KMT2C: variants seen among roughly 807,000 people sequenced by gnomAD.
The protein encoded by KMT2C is lysine methyltransferase 2C, also known as histone-lysine N-methyltransferase 2C.
KMT2C carries 88 observed loss-of-function variants against 507.9 expected under a neutral mutation model. That is an observed-to-expected ratio of 0.17 (90% CI 0.15 to 0.21). The LOEUF is 0.21. Among genes scored for constraint, KMT2C ranks in the 10% least tolerant of loss-of-function variants. The pLI is 1.00. For missense variants in KMT2C, 4,954 were observed against 5,957.8 expected (o/e 0.83, Z 5.55); for synonymous variants, 2,049 against 2,080.8 (o/e 0.98, Z 0.42).
rs1389616703 is a variant in KMT2C, at chr7:152,335,063, A to T, written c.251-4324T>A. Among the ~76,000 whole-genome samples the T allele has an allele frequency of 3.9e-5, 6 of 152,302 alleles. No homozygotes were observed. The East Asian group carries it at 1.2e-3, about 29-fold the overall frequency. The stretch of plus-strand genomic sequence containing the variant: ...CTGACCCTTTTTAGGCTATATTAAA[A>T]TATTTAATATAGCTATGACCTACAA... On this transcript the variant is annotated intron_variant, in intron 2 of 58. Transcript: ENST00000262189.
Position 152,141,547 on chromosome 7 carries a change from TA to T in KMT2C, c.14344-1757del, listed in dbSNP as rs201057479. ...AATATGGTGAAATCCCATCTCTACT[TA>T]AAAAAAAAAAAAAAATTAGCCGGGC... On this transcript the variant is annotated intron_variant, in intron 55 of 58. Coordinates refer to ENST00000262189, the MANE Select transcript of KMT2C (RefSeq NM_170606.3). Among the ~76,000 whole-genome samples the T allele has an allele frequency of 7.0e-3, 917 of 130,186 alleles. 3 individuals carry two copies. Among genetic ancestry groups the T allele is most frequent in the Middle Eastern group, 0.02 (5 of 244 alleles). The allele number at this position is 130,186 out of a possible 152,430, so 85.4% of individuals were successfully genotyped here. A position where few individuals can be genotyped will look rare whatever the true frequency, so the allele number is the denominator to read the frequency against.
intron 3 of KMT2C, among the ~76,000 whole-genome samples, chr7:152,319,666 C>G (rs1172731966): frequency 6.6e-6 from 1 of 152,150 alleles, no homozygotes; most frequent in Non-Finnish European, 1.5e-5. Flanking sequence ...AGAGGCCTAA[C>G]CGTCTGCCTG....
chr7:152,274,794 T>C (rs1235126687), intron 6 of KMT2C, among the ~76,000 whole-genome samples: 1 of 152,208 alleles, frequency 6.6e-6, no homozygotes, highest in Non-Finnish European at 1.5e-5. Flanking sequence ...CATTACATGA[T>C]CAGTTTATCT....
intron 2 of KMT2C, among the ~76,000 whole-genome samples, chr7:152,352,771 T>C (rs2097124066): frequency 6.6e-6 from 1 of 152,190 alleles, no homozygotes; most frequent in African/African-American, 2.4e-5. Context: ...GCTGATTTCA[T>C]ACCTTGTGGC....
chr7:152,153,273 C>A (rs1236862111), intron 48 of KMT2C, among the ~76,000 whole-genome samples: 5 of 152,188 alleles, frequency 3.3e-5, no homozygotes, highest in Admixed American at 6.5e-5. Context: ...AGAAAGCTTA[C>A]TTCCAGGGGC....
chr7:152,248,598 A>G lies in KMT2C; in HGVS notation c.1836T>C (p.Asn612=), dbSNP rs1213435810. Residue 612 remains asparagine, a synonymous_variant, in exon 14 of 59, where the codon AAT becomes AAC. Transcript: ENST00000262189. ...TAGAAATCTGTTTTTCCAATTCAGTATTCACTGTATGTTGGGATGATACTA... is the reference window on the plus strand; with the variant it reads ...TAGAAATCTGTTTTTCCAATTCAGTGTTCACTGTATGTTGGGATGATACTA... The part of the protein sequence containing the change: ...LIAVSSQHTV[N]TELEKQISNE... 6.2e-7 allele frequency: 1 copy of G among 1,610,388 alleles called. No individual in the cohort carries two copies. Among genetic ancestry groups the G allele is most frequent in the Middle Eastern group, 1.7e-4 (1 of 6,054 alleles).
intron 2 of KMT2C, among the ~76,000 whole-genome samples, chr7:152,340,741 C>A (rs2096983769): frequency 6.6e-6 from 1 of 152,030 alleles, no homozygotes; most frequent in Admixed American, 6.6e-5. Context: ...ACCCACAGTT[C>A]CATAAATTTC....
intron 31 of KMT2C, among the ~76,000 whole-genome samples, chr7:152,188,119 C>T (rs6963742): frequency 0.063 from 9,529 of 152,198 alleles, 1,037 homozygotes; most frequent in African/African-American, 0.22. Context: ...GCCCCAAGTA[C>T]AGAAGAGATG....
chr7:152,269,526 T>TA (rs1210096321), intron 7 of KMT2C, among the ~76,000 whole-genome samples: 1 of 152,194 alleles, frequency 6.6e-6, no homozygotes, highest in Non-Finnish European at 1.5e-5. Flanking sequence ...CCAGAGACAC[T>TA]AAGTTTAAAG....
intron 3 of KMT2C, among the ~76,000 whole-genome samples, chr7:152,328,619 T>C (rs2096852667): frequency 6.6e-6 from 1 of 152,158 alleles, no homozygotes; most frequent in African/African-American, 2.4e-5. Context: ...TGATTATCAT[T>C]ATTAGAATAA....
intron 18 of KMT2C, among the ~76,000 whole-genome samples, chr7:152,225,183 T>A (rs2094890082): frequency 6.6e-6 from 1 of 152,116 alleles, no homozygotes; most frequent in Admixed American, 6.6e-5. Flanking sequence ...AATCTCCAAA[T>A]CCCTAATAAA....
At position 152,162,681 on chromosome 7, in the gene KMT2C, T is replaced by C. The variant is rs2092519438; in HGVS notation, c.10896A>G (p.Pro3632=). Residue 3632 remains proline, a synonymous_variant, in exon 43 of 59, where the codon CCA becomes CCG. Coordinates refer to ENST00000262189, the MANE Select transcript of KMT2C (RefSeq NM_170606.3). ...TAGTTTCTGAGATGCCTGGAGTCGG[T>C]GGGGCAGTTATATCTGAATGGGGAG... ...PSTPHSDITA[P]PTPGISETTS... 2 of 1,614,180 alleles carry C rather than the reference T, an allele frequency of 1.2e-6. No individual in the cohort carries two copies. The highest frequency in any genetic ancestry group is 1.7e-6 in the Non-Finnish European group (2 of 1,180,022).
At chr7:152,409,174 T>C (rs2097654475) in intron 1 of KMT2C, among the ~76,000 whole-genome samples, 1 of 151,886 alleles carries the variant, frequency 6.6e-6, no homozygotes, top group Admixed American at 6.6e-5. Flanking sequence ...ACCTGGCTAA[T>C]TTTTGTATTT....
At chr7:152,282,296 CA>C (rs1299162491) in intron 6 of KMT2C, among the ~76,000 whole-genome samples, 1,461 of 102,498 alleles carry the variant, frequency 0.014, 15 homozygotes, top group African/African-American at 0.04. Context: ...GACCTTGTCT[CA>C]AAAAAAAAAA....
At chr7:152,237,314 T>C (rs1219089303) in intron 15 of KMT2C, among the ~76,000 whole-genome samples, 1 of 152,302 alleles carries the variant, frequency 6.6e-6, no homozygotes, top group Admixed American at 6.5e-5. Flanking sequence ...TAGATACACA[T>C]GAACAAAAGG....
chr7:152,420,832 C>CAA (rs925912873), intron 1 of KMT2C, among the ~76,000 whole-genome samples: 1 of 129,428 alleles, frequency 7.7e-6, no homozygotes, highest in African/African-American at 2.8e-5. Flanking sequence ...GACTCCATCT[C>CAA]AAAAAAAAAA....
chr7:152,256,755 GA>G (rs1199591007), intron 9 of KMT2C, among the ~76,000 whole-genome samples: 1 of 152,036 alleles, frequency 6.6e-6, no homozygotes, highest in Non-Finnish European at 1.5e-5. Flanking sequence ...TTAAACACAT[GA>G]AAAAACGATC....
At position 152,310,519 on chromosome 7, in the gene KMT2C, C is replaced by G. The variant is rs376894840; in HGVS notation, c.740-444G>C. 3.3e-5 allele frequency among the ~76,000 whole-genome samples: 5 copies of G among 152,206 alleles called. No homozygotes were observed. The South Asian group carries it at 8.3e-4, about 25-fold the overall frequency. ...GACAGAGGTTGCAGTGAGCTGAGAT[C>G]GCACCACTGCACTCCAGCCTATGCA... On this transcript the variant is annotated intron_variant, in intron 5 of 58. Coordinates refer to ENST00000262189, the MANE Select transcript of KMT2C (RefSeq NM_170606.3).
intron 6 of KMT2C, among the ~76,000 whole-genome samples, chr7:152,303,163 C>T (rs761785485): frequency 3.3e-5 from 5 of 151,960 alleles, no homozygotes; most frequent in African/African-American, 7.3e-5. Flanking sequence ...ATAAAGTTTC[C>T]CCTGGAAAAA....
Sources: gnomAD v4.1 joint callset for allele counts (sites outside exome capture counted in the v4.1 genomes callset) on GRCh38, gnomAD v4.1.1 for gene constraint, MANE v1.5 for transcripts, NCBI Gene and HGNC (gene_info 2026-07-23, HGNC 2026-07-21) for gene names.